The following THADA variants were observed in gnomAD, a reference collection of about 807,000 sequenced individuals.
THADA encodes tRNA (32-2'-O)-methyltransferase regulator THADA.
In THADA, 213 loss-of-function variants were observed where a neutral mutation model predicts 219.8. The ratio of observed to expected loss-of-function variants is 0.97; its 90% CI spans 0.87 to 1.09. The LOEUF (loss-of-function observed/expected upper bound fraction) is 1.09, where lower values mean the gene tolerates loss of function less well. Ranked by LOEUF, THADA falls within the 50% of genes least tolerant of loss-of-function variation. The pLI is 0.00. For missense variants in THADA, 2,956 were observed against 2,311.3 expected (o/e 1.28, Z -5.72); for synonymous variants, 1,018 against 828.9 (o/e 1.23, Z -3.92).
chr2:43,573,124 C>T (rs2104018054), intron 11 of THADA, 132 bp from the exon 12 acceptor site: 1 of 726,456 alleles, frequency 1.4e-6, no homozygotes, highest in East Asian at 3.1e-5. Flanking sequence ...TCATTTCTAA[C>T]ACAAATTAAA....
chr2:43,551,891 C>T lies in THADA; in HGVS notation c.2845G>A (p.Val949Ile). ...LQLVSEWRPVVEKLLLMSYRL... is the reference protein window; with the variant it reads ...LQLVSEWRPVIEKLLLMSYRL... ...TAGGACATCAAAAGGAGCTTCTCTA[C>T]CACAGGTCTCCACTCGCTCACCAAC... Residue 949 changes from valine (V) to isoleucine (I), a missense_variant, in exon 19 of 38, where the codon GTA becomes ATA. Coordinates refer to ENST00000405975, the MANE Select transcript of THADA (RefSeq NM_022065.5). 1 of 1,613,798 alleles carries T rather than the reference C, an allele frequency of 6.2e-7. No homozygotes were observed.
chr2:43,498,809 A>T, intron 25 of THADA, 24 bp downstream of exon 25: 1 of 1,605,032 alleles, frequency 6.2e-7, no homozygotes, highest in African/African-American at 1.3e-5. Context: ...TAAATCAATG[A>T]AAATAAATAG....
At chr2:43,401,209 T>C (rs1436160573) in intron 28 of THADA, among the ~76,000 whole-genome samples, 1 of 152,190 alleles carries the variant, frequency 6.6e-6, no homozygotes, top group African/African-American at 2.4e-5. Flanking sequence ...ATAAACCCTT[T>C]CCATGTTCAT....
At position 43,378,896 on chromosome 2, in the gene THADA, G is replaced by A. The variant is rs552478768; in HGVS notation, c.4227+19075C>T. Among the ~76,000 whole-genome samples, 3 of 152,280 alleles carry A rather than the reference G, an allele frequency of 2.0e-5. No individual in the cohort carries two copies. The East Asian group carries it at 5.8e-4, about 29-fold the overall frequency. Reference sequence around the variant, plus strand: ...GCTGGGATTGCAGACGTGAGCCATCGCACCAGCCTAATAATATCTTCAAAG... The same window carrying A: ...GCTGGGATTGCAGACGTGAGCCATCACACCAGCCTAATAATATCTTCAAAG... On this transcript the variant is annotated intron_variant, in intron 29 of 37. Transcript: ENST00000405975.
chr2:43,541,974 T>G (rs906550446), intron 20 of THADA, among the ~76,000 whole-genome samples: 6 of 152,298 alleles, frequency 3.9e-5, no homozygotes, highest in Admixed American at 1.3e-4. Context: ...GACTGTTGCA[T>G]TAGTAAAGGA....
chr2:43,293,151 T>C lies in THADA; in HGVS notation c.4501A>G (p.Thr1501Ala), dbSNP rs1046806468. 7 of 1,613,948 alleles carry C rather than the reference T, an allele frequency of 4.3e-6. No individual in the cohort carries two copies. Among genetic ancestry groups the C allele is most frequent in the Non-Finnish European group, 5.1e-6 (6 of 1,179,884 alleles). The change falls in exon 32 of 38, where the codon ACG becomes GCG. Residue 1501 changes from threonine (T) to alanine (A), a missense_variant. Transcript: ENST00000405975. ...ACCTTGAAGGCCCAAGGGAATCCCGTTATCAGCTCTGATCCTGAGATAATC... is the reference window on the plus strand; with the variant it reads ...ACCTTGAAGGCCCAAGGGAATCCCGCTATCAGCTCTGATCCTGAGATAATC... ...RGIISGSELI[T>A]GFPWAFKVPG... is the part of the protein sequence containing the mutation.
chr2:43,324,376 T>C (rs1183786214), intron 30 of THADA, among the ~76,000 whole-genome samples: 2 of 152,100 alleles, frequency 1.3e-5, no homozygotes, highest in Non-Finnish European at 2.9e-5. Context: ...GGGCCAAGTG[T>C]GATGTAGTCA....
At chr2:43,463,630 G>A (rs1683891801) in intron 26 of THADA, among the ~76,000 whole-genome samples, 2 of 152,080 alleles carry the variant, frequency 1.3e-5, no homozygotes, top group Non-Finnish European at 1.5e-5. Context: ...TTTGCTTACT[G>A]TTCTGGAATT....
At chr2:43,386,075 C>T (rs1672644057) in intron 29 of THADA, among the ~76,000 whole-genome samples, 1 of 152,128 alleles carries the variant, frequency 6.6e-6, no homozygotes, top group Admixed American at 6.5e-5. Context: ...ATATCTGATG[C>T]CCATACATAC....
At chr2:43,479,303 A>G (rs757859596) in intron 26 of THADA, among the ~76,000 whole-genome samples, 15 of 152,232 alleles carry the variant, frequency 9.9e-5, no homozygotes, top group Non-Finnish European at 8.8e-5. Flanking sequence ...AAAAATAACC[A>G]TTAAATTCTA....
chr2:43,499,025 A>G, intron 24 of THADA, 70 bp from the exon 25 acceptor site: 1 of 1,464,330 alleles, frequency 6.8e-7, no homozygotes, highest in Non-Finnish European at 9.1e-7. Context: ...CACATATCCA[A>G]TAGTACAGCT....
chr2:43,425,463 T>TGA (rs1465003776), intron 28 of THADA, among the ~76,000 whole-genome samples: 3 of 151,256 alleles, frequency 2.0e-5, no homozygotes, highest in Non-Finnish European at 4.4e-5. Context: ...TGTGTGTGTG[T>TGA]GTGTGTGTGT....
intron 36 of THADA, among the ~76,000 whole-genome samples, chr2:43,239,555 T>C (rs558180829): frequency 2.6e-5 from 4 of 152,384 alleles, no homozygotes; most frequent in South Asian, 2.1e-4. Context: ...TCAAAGTGGA[T>C]GTCTTCCAGG....
intron 26 of THADA, among the ~76,000 whole-genome samples, chr2:43,477,159 T>C (rs1193621800): frequency 3.3e-5 from 5 of 152,158 alleles, no homozygotes; most frequent in Non-Finnish European, 5.9e-5. Flanking sequence ...ATCAGAAATA[T>C]GCCTTTCACC....
At chr2:43,509,955 C>A (rs888563514) in intron 22 of THADA, among the ~76,000 whole-genome samples, 1 of 152,164 alleles carries the variant, frequency 6.6e-6, no homozygotes, top group African/African-American at 2.4e-5. Flanking sequence ...CCAAAACCAG[C>A]TATCAAAACT....
intron 36 of THADA, among the ~76,000 whole-genome samples, chr2:43,253,781 A>T (rs965538773): frequency 2.0e-5 from 3 of 152,060 alleles, no homozygotes; most frequent in Non-Finnish European, 4.4e-5. Flanking sequence ...CAGCTATTAA[A>T]CTGTAGCTGA....
chr2:43,313,595 C>G (rs1677749209), intron 31 of THADA, among the ~76,000 whole-genome samples: 1 of 152,254 alleles, frequency 6.6e-6, no homozygotes, highest in Non-Finnish European at 1.5e-5. Flanking sequence ...GTCAAGCGTG[C>G]TCTTTCTAAT....
intron 28 of THADA, among the ~76,000 whole-genome samples, chr2:43,415,170 T>G (rs1676780174): frequency 6.6e-6 from 1 of 152,202 alleles, no homozygotes; most frequent in African/African-American, 2.4e-5. Context: ...AACTTTTAAG[T>G]AATTTATGTT....
intron 30 of THADA, among the ~76,000 whole-genome samples, chr2:43,333,433 T>A (rs1666022943): frequency 6.6e-6 from 1 of 151,180 alleles, no homozygotes; most frequent in South Asian, 2.1e-4. Context: ...ATCTAGGAAT[T>A]GAAAAGCAGT....
Sources: allele counts gnomAD v4.1 joint callset (sites outside exome capture counted in the v4.1 genomes callset), GRCh38; gene constraint gnomAD v4.1.1; transcripts MANE v1.5; gene names NCBI Gene and HGNC (gene_info 2026-07-23, HGNC 2026-07-21).